PDE3B: variants seen among roughly 807,000 people sequenced by gnomAD.
PDE3B encodes cGMP-inhibited 3',5'-cyclic phosphodiesterase 3B.
In PDE3B, 66 loss-of-function variants were observed where a neutral mutation model predicts 116.8. The observed-to-expected ratio is 0.56, with a 90% CI of 0.46 to 0.69. The LOEUF (loss-of-function observed/expected upper bound fraction) is 0.69. PDE3B is among the 30% of genes least tolerant of loss of function. PDE3B has a pLI of 0.00. For synonymous variants in PDE3B, 595 were observed against 533.6 expected (o/e 1.12, Z -1.59); for missense variants, 1,384 against 1,368.1 (o/e 1.01, Z -0.18).
intron 5 of PDE3B, among the ~76,000 whole-genome samples, chr11:14,812,355 A>G (rs1859168097): frequency 6.6e-6 from 1 of 152,230 alleles, no homozygotes; most frequent in South Asian, 2.1e-4. Flanking sequence ...GATCTGCAGA[A>G]AATCCTCAAA....
At chr11:14,878,940 G>A in the PDE3B span, among the ~76,000 whole-genome samples, 53 of 152,188 alleles carry the variant, frequency 3.5e-4, no homozygotes, top group African/African-American at 1.1e-3. Flanking sequence ...ATATTAAGCC[G>A]AAACAGATGT....
intron 1 of PDE3B, among the ~76,000 whole-genome samples, chr11:14,741,285 G>C (rs1311859300): frequency 6.6e-6 from 1 of 151,998 alleles, no homozygotes; most frequent in Non-Finnish European, 1.5e-5. Context: ...CTGGGTGCTC[G>C]TGTATTGGCT....
intron 2 of PDE3B, among the ~76,000 whole-genome samples, chr11:14,785,042 C>A (rs1223259981): frequency 6.6e-6 from 1 of 151,754 alleles, no homozygotes; most frequent in African/African-American, 2.4e-5. Context: ...GGTTTTTTTG[C>A]CTATCAGATA....
intron 1 of PDE3B, among the ~76,000 whole-genome samples, chr11:14,647,950 A>T (rs10832289): frequency 0.36 from 52,566 of 147,066 alleles, 10,692 homozygotes; most frequent in South Asian, 0.46. Context: ...TTGGCAAAGC[A>T]TTTAGAGATT....
chr11:14,669,913 T>C (rs932265064), intron 1 of PDE3B, among the ~76,000 whole-genome samples: 1 of 152,150 alleles, frequency 6.6e-6, no homozygotes, highest in African/African-American at 2.4e-5. Flanking sequence ...AATGAAAGCA[T>C]AGGTTAGTAT....
At chr11:14,849,082 A>G (rs1231378010) in intron 12 of PDE3B, among the ~76,000 whole-genome samples, 1 of 152,022 alleles carries the variant, frequency 6.6e-6, no homozygotes, top group Non-Finnish European at 1.5e-5. Context: ...CCTGACTTCA[A>G]ACTATACTAC....
intron 4 of PDE3B, among the ~76,000 whole-genome samples, chr11:14,801,183 T>TTTTA (rs1256234976): frequency 6.6e-6 from 1 of 152,180 alleles, no homozygotes; most frequent in Non-Finnish European, 1.5e-5. Context: ...CTCTGTCCAG[T>TTTTA]TTTATTCCCC....
chr11:14,886,028 G>T, the PDE3B span: 1 of 1,014,710 alleles, frequency 9.9e-7, no homozygotes, highest in Non-Finnish European at 1.5e-6. Flanking sequence ...TTACGTCCCT[G>T]AAAATATAGG....
chr11:14,846,614 A>G (rs1279838067), intron 12 of PDE3B, among the ~76,000 whole-genome samples: 3 of 152,216 alleles, frequency 2.0e-5, no homozygotes, highest in African/African-American at 7.2e-5. Context: ...GCAGAGACAC[A>G]CATAGGCTCA....
intron 1 of PDE3B, among the ~76,000 whole-genome samples, chr11:14,716,260 G>T (rs550820358): frequency 6.6e-6 from 1 of 152,350 alleles, no homozygotes; most frequent in Admixed American, 6.5e-5. Context: ...ACCTGGCTTG[G>T]AGGGTGCTAC....
chr11:14,794,313 T>A (rs1274885019), intron 4 of PDE3B, among the ~76,000 whole-genome samples: 1 of 125,534 alleles, frequency 8.0e-6, no homozygotes, highest in Non-Finnish European at 1.6e-5. Context: ...TATTTCTTTT[T>A]CTTTTCTTTT....
intron 1 of PDE3B, chr11:14,673,543 G>T (rs918047015): frequency 1.1e-5 from 5 of 451,218 alleles, no homozygotes; most frequent in African/African-American, 8.0e-5. Context: ...ACAAAAATGT[G>T]TTTACAGAGA....
chr11:14,832,467 G>A (rs903602629), intron 9 of PDE3B, among the ~76,000 whole-genome samples: 1 of 152,158 alleles, frequency 6.6e-6, no homozygotes, highest in African/African-American at 2.4e-5. Flanking sequence ...AAAAGCTAAG[G>A]AGAAGAATGG....
At chr11:14,762,886 A>G (rs1857399300) in intron 1 of PDE3B, among the ~76,000 whole-genome samples, 1 of 152,218 alleles carries the variant, frequency 6.6e-6, no homozygotes, top group Non-Finnish European at 1.5e-5. Context: ...AACTGAGATG[A>G]GGGAAGACTA....
rs769248459 is a variant in PDE3B, at chr11:14,644,208, C to T, written c.133C>T (p.Arg45Cys). 3.7e-4 allele frequency: 588 copies of T among 1,594,916 alleles called. 2 individuals carry two copies. Among genetic ancestry groups the T allele is most frequent in the Non-Finnish European group, 4.7e-4 (551 of 1,177,022 alleles). The stretch of plus-strand genomic sequence containing the variant: ...GAGCCCCTTGCGGCAGGACCCTCCG[C>T]GCGGCTTCTTCTTCCACCTCTGCCG... ...CVSPLRQDPP[R>C]GFFFHLCRFC... is the part of the protein sequence containing the mutation. The change falls in exon 1 of 16, where the codon CGC (arginine) becomes TGC (cysteine). Residue 45 changes from arginine to cysteine, a missense_variant. Physicochemically the swap from Arg to Cys is radical, Grantham distance 180 (BLOSUM62 -3). Around this residue, in one of 2 missense-constraint regions of PDE3B, gnomAD observed 956 missense variants for 806.8 expected, o/e 1.18. Transcript: ENST00000282096.
intron 1 of PDE3B, among the ~76,000 whole-genome samples, chr11:14,667,509 T>C (rs1854206661): frequency 6.6e-6 from 1 of 150,944 alleles, no homozygotes; most frequent in African/African-American, 2.4e-5. Context: ...TATGCAGCCA[T>C]AAAAAAGGAT....
chr11:14,649,842 G>A (rs983373471), intron 1 of PDE3B, among the ~76,000 whole-genome samples: 9 of 152,120 alleles, frequency 5.9e-5, no homozygotes, highest in African/African-American at 1.7e-4. Flanking sequence ...TGCCTGCTTC[G>A]CTTAAAGGCA....
At chr11:14,741,720 C>T (rs1856779251) in intron 1 of PDE3B, among the ~76,000 whole-genome samples, 1 of 152,110 alleles carries the variant, frequency 6.6e-6, no homozygotes, top group Non-Finnish European at 1.5e-5. Flanking sequence ...TTTGCAGTGG[C>T]TGGTACTGGT....
intron 12 of PDE3B, among the ~76,000 whole-genome samples, chr11:14,845,657 G>A (rs1847582693): frequency 1.3e-5 from 2 of 152,238 alleles, no homozygotes; most frequent in Admixed American, 6.5e-5. Context: ...AGCTGATGGA[G>A]CTGAAAGCCA....
Sources: allele counts gnomAD v4.1 joint callset (sites outside exome capture counted in the v4.1 genomes callset), GRCh38; gene constraint gnomAD v4.1.1; regional missense constraint gnomAD v4.1.1; transcripts MANE v1.5; gene names NCBI Gene and HGNC (gene_info 2026-07-23, HGNC 2026-07-21).